UGT1A7: variants seen among roughly 807,000 people sequenced by gnomAD.
UGT1A7 encodes the protein UDP glucuronosyltransferase family 1 member A7.
Under a neutral mutation model 45.6 loss-of-function variants are expected in UGT1A7, and 33 were observed. That is an observed-to-expected ratio of 0.72 (90% CI 0.55 to 0.97). The LOEUF is 0.97. Ranked by LOEUF, UGT1A7 falls within the 50% of genes least tolerant of loss-of-function variation. The pLI is 0.00. For synonymous variants in UGT1A7, 274 were observed against 250.6 expected, an observed-to-expected ratio of 1.09 and a Z score of -0.88; for missense variants, 684 against 666.2, an observed-to-expected ratio of 1.03 and a Z score of -0.29.
intron 1 of UGT1A7, among the ~76,000 whole-genome samples, chr2:233,753,927 T>C (rs943116990): frequency 6.6e-6 from 1 of 152,224 alleles, no homozygotes; most frequent in Non-Finnish European, 1.5e-5. Flanking sequence ...CTCAGTGATA[T>C]GGGATTCAAA....
chr2:233,696,261 A>G (rs1454905171), intron 1 of UGT1A7, among the ~76,000 whole-genome samples: 1 of 152,248 alleles, frequency 6.6e-6, no homozygotes, highest in Non-Finnish European at 1.5e-5. Flanking sequence ...ACATCAGTGA[A>G]TGAATGGATA....
chr2:233,771,796 C>A (rs373628815), intron 4 of UGT1A7, among the ~76,000 whole-genome samples: 1 of 151,712 alleles, frequency 6.6e-6, no homozygotes, highest in Non-Finnish European at 1.5e-5. Flanking sequence ...CCCTCCCTCC[C>A]TCCCTCCCTT....
At chr2:233,762,024 A>T (rs1393568604) in intron 1 of UGT1A7, among the ~76,000 whole-genome samples, 1 of 151,856 alleles carries the variant, frequency 6.6e-6, no homozygotes, top group Non-Finnish European at 1.5e-5. Context: ...TTTGTATTTT[A>T]TTTTTTTTAA....
At chr2:233,732,618 A>G (rs2078289754) in intron 1 of UGT1A7, among the ~76,000 whole-genome samples, 1 of 152,068 alleles carries the variant, frequency 6.6e-6, no homozygotes, top group Non-Finnish European at 1.5e-5. Flanking sequence ...ATGGTTGTAG[A>G]TGTGTGGTGT....
At chr2:233,719,075 C>A in intron 1 of UGT1A7, 17 of 1,614,240 alleles carry the variant, frequency 1.1e-5, no homozygotes, top group Non-Finnish European at 1.4e-5. Flanking sequence ...TTCCATGGAC[C>A]CAGAAGGAAT....
intron 1 of UGT1A7, chr2:233,693,224 A>C (rs1302767183): frequency 6.2e-7 from 1 of 1,614,120 alleles, no homozygotes; most frequent in Non-Finnish European, 8.5e-7. Flanking sequence ...CAAATACTAC[A>C]CAAGAAAAAT....
intron 1 of UGT1A7, among the ~76,000 whole-genome samples, chr2:233,710,475 A>T (rs1055676950): frequency 6.6e-6 from 1 of 152,328 alleles, no homozygotes; most frequent in African/African-American, 2.4e-5. Context: ...TGTGTAGTAG[A>T]ATTTCATTGG....
chr2:233,751,324 A>C (rs571504836), intron 1 of UGT1A7, among the ~76,000 whole-genome samples: 1 of 151,882 alleles, frequency 6.6e-6, no homozygotes, highest in East Asian at 1.9e-4. Context: ...CTGTACCCCC[A>C]TTGTGTCTTG....
intron 1 of UGT1A7, among the ~76,000 whole-genome samples, chr2:233,724,861 A>T (rs2077325347): frequency 7.8e-6 from 1 of 128,420 alleles, no homozygotes; most frequent in African/African-American, 3.4e-5. Context: ...TGGGAGGTGT[A>T]GGTTGTAGTG....
At chr2:233,761,270 C>G (rs990068200) in intron 1 of UGT1A7, 25 of 1,591,850 alleles carry the variant, frequency 1.6e-5, no homozygotes, top group Non-Finnish European at 2.1e-5. Flanking sequence ...AAAATGCCCT[C>G]TTTTGTTAAT....
At chr2:233,690,755 A>G (rs912560309) in intron 1 of UGT1A7, 32 of 1,132,230 alleles carry the variant, frequency 2.8e-5, no homozygotes, top group Non-Finnish European at 3.5e-5. Context: ...TGTCCAGTGC[A>G]GACATACACA....
chr2:233,732,984 G>A lies in UGT1A7; in HGVS notation c.856-34050G>A, dbSNP rs112925257. On this transcript the variant is annotated intron_variant, in intron 1 of 4. Coordinates refer to ENST00000373426, the MANE Select transcript of UGT1A7 (RefSeq NM_019077.3). ...ATTTGTTTGTGTCTTCTTTTATTTCGTTGAGCAGTGGTTTGTAGTTCTCCT... is the reference window on the plus strand; with the variant it reads ...ATTTGTTTGTGTCTTCTTTTATTTCATTGAGCAGTGGTTTGTAGTTCTCCT... 1.2e-3 allele frequency among the ~76,000 whole-genome samples: 181 copies of A among 152,020 alleles called. 1 individual carries two copies. The highest frequency in any genetic ancestry group is 5.5e-3 in the Admixed American group (84 of 15,268).
chr2:233,769,809 C>A lies in UGT1A7; in HGVS notation c.1295+1370C>A. On this transcript the variant is annotated intron_variant, in intron 4 of 4. Transcript: ENST00000373426. This position sits in a 1 kb window ranked among gnomAD's most constrained non-coding sequence, Gnocchi z 4.4. Reference sequence around the variant, plus strand: ...GTTGGAGGCTGCTATGAGCCGTGATCATGCCACTGCACTCCAGCAACCTGG... The same window carrying A: ...GTTGGAGGCTGCTATGAGCCGTGATAATGCCACTGCACTCCAGCAACCTGG... 4.2e-6 allele frequency: 4 copies of A among 962,960 alleles called. No homozygotes were observed. The highest frequency in any genetic ancestry group is 3.0e-5 in the East Asian group (1 of 33,100). 59.7% of individuals were successfully genotyped at this position (962,960 alleles called of 1,614,324 possible). A position where few individuals can be genotyped will look rare whatever the true frequency, so the allele number is the denominator to read the frequency against.
intron 4 of UGT1A7, chr2:233,771,470 T>C (rs1389058308): frequency 2.0e-5 from 3 of 152,260 alleles, no homozygotes; most frequent in African/African-American, 7.2e-5. Context: ...TCATGCTAAA[T>C]CTAGCACCCA....
intron 1 of UGT1A7, among the ~76,000 whole-genome samples, chr2:233,765,988 G>A (rs909645564): frequency 6.6e-6 from 1 of 152,138 alleles, no homozygotes; most frequent in Non-Finnish European, 1.5e-5. Flanking sequence ...AGCTCCTGAA[G>A]CTCCAGTGGG....
At chr2:233,748,082 C>A (rs1013967791) in intron 1 of UGT1A7, 6 of 1,612,924 alleles carry the variant, frequency 3.7e-6, no homozygotes, top group Non-Finnish European at 5.1e-6. Context: ...TATCTCAGGT[C>A]GGTGTTCGTG....
chr2:233,715,559 C>T (rs1347075985), intron 1 of UGT1A7, among the ~76,000 whole-genome samples: 1 of 152,016 alleles, frequency 6.6e-6, no homozygotes, highest in South Asian at 2.1e-4. Context: ...ATTGCTTGAG[C>T]CCAGGAGTCT....
intron 1 of UGT1A7, among the ~76,000 whole-genome samples, chr2:233,735,578 G>A (rs576016505): frequency 1.6e-4 from 25 of 152,112 alleles, no homozygotes; most frequent in Non-Finnish European, 2.9e-4. Context: ...TATTTTGCCC[G>A]TTAATTGATG....
At chr2:233,719,592 C>T (rs201293328) in intron 1 of UGT1A7, 161 of 1,613,882 alleles carry the variant, frequency 1.0e-4, no homozygotes, top group Non-Finnish European at 1.2e-4. Flanking sequence ...GTGGCTGTTC[C>T]GAGGGGACTT....
Sources: allele counts gnomAD v4.1 joint callset (sites outside exome capture counted in the v4.1 genomes callset), GRCh38; gene constraint gnomAD v4.1.1; non-coding constraint Gnocchi (gnomAD v3.1); transcripts MANE v1.5; gene names NCBI Gene and HGNC (gene_info 2026-07-23, HGNC 2026-07-21).